Variants in PTPRN2 observed in about 807,000 individuals in gnomAD.
PTPRN2 encodes the protein receptor-type tyrosine-protein phosphatase N2.
In PTPRN2, 74 loss-of-function variants were observed where a neutral mutation model predicts 118.8. That is an observed-to-expected ratio of 0.62 (90% CI 0.52 to 0.76). The LOEUF (loss-of-function observed/expected upper bound fraction) is 0.76. Ranked by LOEUF, PTPRN2 falls within the 30% of genes least tolerant of loss-of-function variation. PTPRN2 has a pLI of 0.00. For missense variants in PTPRN2, 1,481 were observed against 1,394.4 expected (o/e 1.06, Z -0.99); for synonymous variants, 641 against 608.0 (o/e 1.05, Z -0.80).
intron 21 of PTPRN2, among the ~76,000 whole-genome samples, chr7:157,554,396 T>G (rs567932996): frequency 1.3e-4 from 14 of 108,662 alleles, no homozygotes; most frequent in African/African-American, 4.7e-4. Flanking sequence ...CTCCTGAGCA[T>G]GGGTGTGGCC....
intron 11 of PTPRN2, among the ~76,000 whole-genome samples, chr7:157,963,037 C>T (rs1464435563): frequency 6.6e-6 from 1 of 152,246 alleles, no homozygotes; most frequent in African/African-American, 2.4e-5. Context: ...CGCAAGGCAG[C>T]ATGCAGAGAA....
intron 9 of PTPRN2, among the ~76,000 whole-genome samples, chr7:158,127,291 GTCC>G (rs778930204): frequency 7.5e-5 from 11 of 147,114 alleles, no homozygotes; most frequent in African/African-American, 2.1e-4. Flanking sequence ...TGTGCCCTGC[GTCC>G]TCCTCTGCGT....
chr7:158,304,649 T>C (rs1415926261), intron 3 of PTPRN2, among the ~76,000 whole-genome samples: 2 of 152,216 alleles, frequency 1.3e-5, no homozygotes, highest in Admixed American at 6.5e-5. Context: ...TTCCAGGGCA[T>C]AGGTGAATTC....
intron 2 of PTPRN2, among the ~76,000 whole-genome samples, chr7:158,460,258 C>A (rs368016198): frequency 3.3e-4 from 50 of 149,616 alleles, no homozygotes; most frequent in African/African-American, 1.2e-3. Flanking sequence ...GCCGTCAGCA[C>A]AGGAGGGTCA....
At chr7:158,443,303 A>G (rs1817490342) in intron 2 of PTPRN2, among the ~76,000 whole-genome samples, 1 of 152,234 alleles carries the variant, frequency 6.6e-6, no homozygotes, top group African/African-American at 2.4e-5. Flanking sequence ...AAGGCACAGA[A>G]GGCTCCGAAG....
intron 11 of PTPRN2, among the ~76,000 whole-genome samples, chr7:157,906,838 C>CT (rs1413090819): frequency 1.3e-5 from 2 of 152,142 alleles, no homozygotes; most frequent in African/African-American, 4.8e-5. Context: ...CTGAGCCCCT[C>CT]TAGACTGGGG....
intron 15 of PTPRN2, among the ~76,000 whole-genome samples, chr7:157,612,078 C>A (rs1483981830): frequency 6.6e-6 from 1 of 152,196 alleles, no homozygotes; most frequent in Non-Finnish European, 1.5e-5. Context: ...TCCCTGCAGC[C>A]CTCCAGGCCC....
intron 2 of PTPRN2, among the ~76,000 whole-genome samples, chr7:158,450,400 T>C (rs930677081): frequency 6.6e-6 from 1 of 152,246 alleles, no homozygotes; most frequent in Non-Finnish European, 1.5e-5. Context: ...CTGAGATTCA[T>C]TCTTGCTTTT....
rs569399997 is a variant in PTPRN2 at position 157,953,510 on chromosome 7, G to C, written c.1724-54773C>G. 1.3e-5 allele frequency among the ~76,000 whole-genome samples: 2 copies of C among 152,140 alleles called. No individual in the cohort carries two copies. Among genetic ancestry groups the C allele is most frequent in the East Asian group, 3.9e-4 (2 of 5,182 alleles). ...CTTCACACCATGAGGCTGCTGGCAC[G>C]GGTGCCTTTGCTGCCGGCTGCTGTC... On this transcript the variant is annotated intron_variant, in intron 11 of 22. Transcript: ENST00000389418. The surrounding 1 kb of genome is among the most constrained non-coding windows in gnomAD (Gnocchi z 4.6).
chr7:157,972,813 AC>A (rs1802440185), intron 11 of PTPRN2, among the ~76,000 whole-genome samples: 1 of 137,756 alleles, frequency 7.3e-6, no homozygotes, highest in Non-Finnish European at 1.6e-5. Flanking sequence ...GGCTTCAGAG[AC>A]CGCAGAAACT....
intron 12 of PTPRN2, among the ~76,000 whole-genome samples, chr7:157,752,836 C>T (rs1037130526): frequency 2.0e-5 from 3 of 152,248 alleles, no homozygotes; most frequent in Non-Finnish European, 2.9e-5. Context: ...TGGCGAGGGC[C>T]GCCAAGACAA....
intron 3 of PTPRN2, among the ~76,000 whole-genome samples, chr7:158,243,656 G>A (rs562827178): frequency 3.3e-4 from 51 of 152,288 alleles, no homozygotes; most frequent in Admixed American, 5.9e-4. Context: ...CATCCACACA[G>A]AGAGCAGGCT....
At chr7:157,923,306 A>C (rs1202075002) in intron 11 of PTPRN2, among the ~76,000 whole-genome samples, 1 of 152,196 alleles carries the variant, frequency 6.6e-6, no homozygotes, top group Non-Finnish European at 1.5e-5. Flanking sequence ...GATGCTTGTG[A>C]CTGAGAAAAC....
At chr7:158,025,719 T>C (rs1218996534) in intron 11 of PTPRN2, among the ~76,000 whole-genome samples, 1 of 152,168 alleles carries the variant, frequency 6.6e-6, no homozygotes, top group African/African-American at 2.4e-5. Context: ...GAACAAAAAC[T>C]AAAACACTTA....
intron 6 of PTPRN2, among the ~76,000 whole-genome samples, chr7:158,151,016 G>T (rs1430261877): frequency 1.4e-5 from 2 of 147,240 alleles, no homozygotes; most frequent in Non-Finnish European, 3.0e-5. Context: ...TCCTATGCGG[G>T]AAGCCAGGCC....
At chr7:158,402,320 G>A (rs145654902) in intron 2 of PTPRN2, among the ~76,000 whole-genome samples, 410 of 152,162 alleles carry the variant, frequency 2.7e-3, no homozygotes, top group African/African-American at 9.0e-3. Context: ...AAATCTGGGG[G>A]TACAACCTCT....
At chr7:158,303,182 A>AAAAC (rs1274915635) in intron 3 of PTPRN2, among the ~76,000 whole-genome samples, 1 of 151,786 alleles carries the variant, frequency 6.6e-6, no homozygotes, top group African/African-American at 2.4e-5. Flanking sequence ...AAAAAAAAAA[A>AAAAC]AAATTCTTTG....
At chr7:157,754,931 C>G (rs1369667007) in intron 12 of PTPRN2, among the ~76,000 whole-genome samples, 1 of 152,198 alleles carries the variant, frequency 6.6e-6, no homozygotes, top group Non-Finnish European at 1.5e-5. Context: ...GTCGCCCAGG[C>G]TGGAGTGCAG....
intron 3 of PTPRN2, among the ~76,000 whole-genome samples, chr7:158,295,850 C>T (rs1800467232): frequency 6.6e-6 from 1 of 152,266 alleles, no homozygotes; most frequent in African/African-American, 2.4e-5. Context: ...CCAGATGCTG[C>T]CCCACATCTC....
Sources: gnomAD v4.1 joint callset for allele counts (sites outside exome capture counted in the v4.1 genomes callset) on GRCh38, gnomAD v4.1.1 for gene constraint, Gnocchi (gnomAD v3.1) non-coding constraint, MANE v1.5 for transcripts, NCBI Gene and HGNC (gene_info 2026-07-23, HGNC 2026-07-21) for gene names.